ASMTL: variants seen among roughly 807,000 people sequenced by gnomAD.
ASMTL encodes probable bifunctional dTTP/UTP pyrophosphatase/methyltransferase protein.
In ASMTL, 57 loss-of-function variants were observed where a neutral mutation model predicts 60.3. The ratio of observed to expected loss-of-function variants is 0.95; its 90% CI spans 0.76 to 1.18. The LOEUF (loss-of-function observed/expected upper bound fraction) is 1.18, where lower values mean the gene tolerates loss of function less well. Among genes scored for constraint, ASMTL ranks in the 50% most tolerant of loss-of-function variants. The pLI is 0.00. For missense variants in ASMTL, 981 were observed against 852.6 expected (o/e 1.15, Z -1.88); for synonymous variants, 419 against 373.0 (o/e 1.12, Z -1.42).
chrX:1,411,196 G>C (rs866123946), intron 12 of ASMTL, among the ~76,000 whole-genome samples: 6 of 143,894 alleles, frequency 4.2e-5, no homozygotes, highest in South Asian at 4.7e-4. Flanking sequence ...AAAAAAAAAA[G>C]AAGAGAGATA....
At chrX:1,448,609 G>A (rs762165745) in intron 1 of ASMTL, among the ~76,000 whole-genome samples, 2,255 of 147,140 alleles carry the variant, frequency 0.015, 46 homozygotes, top group African/African-American at 0.054. Context: ...GGCCATCTTG[G>A]ATAAGCACCA....
Position 1,451,301 on chromosome X carries a change from T to C in ASMTL, c.93+1447A>G, listed in dbSNP as rs1161064382. Among the ~76,000 whole-genome samples, 22 of 125,476 alleles carry C rather than the reference T, an allele frequency of 1.8e-4. 1 individual carries two copies. The highest frequency in any genetic ancestry group is 3.5e-4 in the Non-Finnish European group (21 of 60,176). 82.3% of individuals were successfully genotyped at this position (125,476 alleles called of 152,430 possible). ...CCATCCCTAGGGGGTCCTGGGTTAC[T>C]CTCCCCTTCCCCATCCCTAGGTGGT... On this transcript the variant is annotated intron_variant, in intron 1 of 12. Coordinates refer to ENST00000381317, the MANE Select transcript of ASMTL (RefSeq NM_004192.4).
At position 1,403,174 on chromosome X, in the gene ASMTL, C is replaced by A. The variant is rs1257379821; in HGVS notation, c.*95G>T. On this transcript the variant is annotated 3_prime_UTR_variant, in exon 13 of 13. Coordinates refer to ENST00000381317, the MANE Select transcript of ASMTL (RefSeq NM_004192.4). The stretch of plus-strand genomic sequence containing the variant: ...CTTTCTTTATTCAGTCACGACTACA[C>A]GCTCCTATGTGACTGTCCTATGGTA... 1.0e-6 allele frequency: 1 copy of A among 1,004,222 alleles called. No homozygotes were observed. Among genetic ancestry groups the A allele is most frequent in the South Asian group, 1.3e-5 (1 of 74,530 alleles). The allele number at this position is 1,004,222 out of a possible 1,614,324, so 62.2% of individuals were successfully genotyped here.
rs774006084 is a variant in ASMTL at position 1,427,745 on chromosome X, T to A, written c.886A>T (p.Met296Leu). The A allele has an allele frequency of 1.4e-5, 22 of 1,610,132 alleles. No individual in the cohort carries two copies. The highest frequency in any genetic ancestry group is 3.3e-4 in the Middle Eastern group (2 of 6,024). The change falls in exon 7 of 13, where the codon ATG (methionine) becomes TTG (leucine). Residue 296 changes from methionine (M) to leucine (L), a missense_variant. Transcript: ENST00000381317. ...ACAGACACAGGTACCTTGGATAGCATAAAGCCCTCAATCAGCTCCAGGAGG... is the reference window on the plus strand; with the variant it reads ...ACAGACACAGGTACCTTGGATAGCAAAAAGCCCTCAATCAGCTCCAGGAGG... ...TRLLELIEGF[M>L]LSKGLLTACK...
chrX:1,447,993 T>A, intron 1 of ASMTL, among the ~76,000 whole-genome samples: 1 of 140,844 alleles, frequency 7.1e-6, no homozygotes, highest in Non-Finnish European at 1.5e-5. Flanking sequence ...CCATCTTGGA[T>A]AAGAACCACC....
intron 11 of ASMTL, among the ~76,000 whole-genome samples, chrX:1,413,581 G>C (rs1422327609): frequency 3.3e-5 from 5 of 152,248 alleles, no homozygotes; most frequent in Non-Finnish European, 4.4e-5. Context: ...AAGATGGTCT[G>C]CTGTAGTGCA....
In ASMTL at chrX:1,435,034, A is replaced by G; in HGVS notation, c.388T>C (p.Cys130Arg). The change falls in exon 5 of 13, where the codon TGC (cysteine) becomes CGC (arginine). Residue 130 changes from cysteine (C) to arginine (R), a missense_variant. Transcript: ENST00000381317. ...GGGCCGCGGTTACCTTTGCTGGAGC[A>G]GTGGACGATCGCGACACCTGTGAAC... ...SVFTGVAIVH[C>R]SSKDHQLDTR... The G allele has an allele frequency of 1.2e-6, 2 of 1,613,858 alleles. No homozygotes were observed. Among genetic ancestry groups the G allele is most frequent in the Non-Finnish European group, 1.7e-6 (2 of 1,179,828 alleles).
intron 1 of ASMTL, among the ~76,000 whole-genome samples, chrX:1,442,970 C>T (rs2091138944): frequency 6.6e-6 from 1 of 151,408 alleles, no homozygotes; most frequent in Non-Finnish European, 1.5e-5. Context: ...GACCATCTCC[C>T]CTCTGACAGA....
intron 7 of ASMTL, among the ~76,000 whole-genome samples, chrX:1,426,034 A>G (rs1177306769): frequency 6.6e-6 from 1 of 152,094 alleles, no homozygotes; most frequent in African/African-American, 2.4e-5. Flanking sequence ...TAAAGAAGTG[A>G]TTCAGGTAAA....
chrX:1,445,589 G>A (rs2091214201), intron 1 of ASMTL, among the ~76,000 whole-genome samples: 1 of 152,074 alleles, frequency 6.6e-6, no homozygotes, highest in South Asian at 2.1e-4. Context: ...CCCTCCCTAT[G>A]TCAAGTTGCA....
chrX:1,411,379 G>A (rs1452932933), intron 12 of ASMTL, among the ~76,000 whole-genome samples: 1 of 152,094 alleles, frequency 6.6e-6, no homozygotes, highest in East Asian at 1.9e-4. Context: ...GAGCAACAAC[G>A]CTGAACTCTT....
chrX:1,439,675 C>T (rs1358409797), intron 2 of ASMTL, among the ~76,000 whole-genome samples: 1 of 151,672 alleles, frequency 6.6e-6, no homozygotes, highest in East Asian at 1.9e-4. Context: ...GGTGAAACCC[C>T]GTCTCTACTA....
chrX:1,432,168 G>T, intron 6 of ASMTL, 101 bp downstream of exon 6: 1 of 964,540 alleles, frequency 1.0e-6, no homozygotes, highest in Non-Finnish European at 1.6e-6. Flanking sequence ...CCCCGGAGCG[G>T]GGCCTCCTTC....
In ASMTL at chrX:1,427,796, C is replaced by T; in HGVS notation, c.835G>A (p.Glu279Lys). 1 of 1,613,024 alleles carries T rather than the reference C, an allele frequency of 6.2e-7. No homozygotes were observed. The highest frequency in any genetic ancestry group is 2.2e-5 in the East Asian group (1 of 44,880). The change falls in exon 7 of 13, where the codon GAG (glutamate) becomes AAG (lysine). Residue 279 changes from glutamate to lysine, a missense_variant. Physicochemically the swap from Glu to Lys is moderately conservative, Grantham distance 56 (BLOSUM62 1). Transcript: ENST00000381317. ...TAEAECHRTR[E>K]TLPPFPTRLL... ...CGTGTCGGGAACGGAGGCAGGGTCTCCCGAGTCCTGTGACACTCAGCCTCT... is the reference window on the plus strand; with the variant it reads ...CGTGTCGGGAACGGAGGCAGGGTCTTCCGAGTCCTGTGACACTCAGCCTCT...
intron 6 of ASMTL, among the ~76,000 whole-genome samples, chrX:1,430,277 A>G (rs74800637): frequency 0.26 from 39,755 of 151,778 alleles, 5,488 homozygotes; most frequent in Non-Finnish European, 0.3. Flanking sequence ...CTCCCAAAGT[A>G]TTGGGATGAC....
At chrX:1,451,177 GGGGGTCCT>G (rs1569535228) in intron 1 of ASMTL, among the ~76,000 whole-genome samples, 183 of 2,866 alleles carry the variant, frequency 0.064, 4 homozygotes, top group Non-Finnish European at 0.11. Context: ...CCCATCCCTA[GGGGGTCCT>G]GGGACACTCC....
chrX:1,416,530 G>C (rs2090275789), intron 11 of ASMTL, among the ~76,000 whole-genome samples: 1 of 149,958 alleles, frequency 6.7e-6, no homozygotes, highest in African/African-American at 2.5e-5. Flanking sequence ...TGCACAGATG[G>C]GCACACGCAC....
At chrX:1,422,081 C>G (rs1340896661) in intron 8 of ASMTL, among the ~76,000 whole-genome samples, 1 of 152,168 alleles carries the variant, frequency 6.6e-6, no homozygotes, top group Admixed American at 6.5e-5. Flanking sequence ...CAGCAGCCAC[C>G]ACGCCCCAGC....
intron 2 of ASMTL, among the ~76,000 whole-genome samples, chrX:1,440,541 A>G (rs1215694510): frequency 2.0e-5 from 3 of 152,268 alleles, no homozygotes; most frequent in African/African-American, 7.2e-5. Context: ...TTAATTTTAT[A>G]TACTGTGACT....
Sources: gnomAD v4.1 joint callset for allele counts (sites outside exome capture counted in the v4.1 genomes callset) on GRCh38, gnomAD v4.1.1 for gene constraint, MANE v1.5 for transcripts, NCBI Gene and HGNC (gene_info 2026-07-23, HGNC 2026-07-21) for gene names.